Variants in EEF2K observed in about 807,000 individuals in gnomAD.
EEF2K encodes eukaryotic elongation factor 2 kinase.
A neutral mutation model predicts 93.8 loss-of-function variants in EEF2K; 70 were observed. That is an observed-to-expected ratio of 0.75 (90% CI 0.62 to 0.91). EEF2K has a LOEUF of 0.91. Ranked by LOEUF, EEF2K falls within the 40% of genes least tolerant of loss-of-function variation. EEF2K has a pLI of 0.00. For synonymous variants in EEF2K, 376 were observed against 380.8 expected, an observed-to-expected ratio of 0.99 and a Z score of 0.15; for missense variants, 935 against 972.9, an observed-to-expected ratio of 0.96 and a Z score of 0.52.
chr16:22,272,595 G>T (rs1366626136), intron 15 of EEF2K, among the ~76,000 whole-genome samples: 1 of 152,094 alleles, frequency 6.6e-6, no homozygotes, highest in Non-Finnish European at 1.5e-5. Flanking sequence ...TTTCTGGATT[G>T]GTGAAAGTAT....
chr16:22,259,308 G>A (rs1369703646), intron 10 of EEF2K, among the ~76,000 whole-genome samples: 1 of 152,216 alleles, frequency 6.6e-6, no homozygotes, highest in Non-Finnish European at 1.5e-5. Context: ...CAGGGAAAGT[G>A]TGAGCGGGAG....
intron 2 of EEF2K, among the ~76,000 whole-genome samples, chr16:22,228,475 G>A (rs2047085258): frequency 6.6e-6 from 1 of 152,116 alleles, no homozygotes; most frequent in Non-Finnish European, 1.5e-5. Flanking sequence ...ACAAAAATTA[G>A]CCGGGCATGG....
chr16:22,238,285 C>T (rs1054833934), intron 2 of EEF2K, among the ~76,000 whole-genome samples: 5 of 152,020 alleles, frequency 3.3e-5, no homozygotes, highest in Admixed American at 2.6e-4. Flanking sequence ...AGACCACGTC[C>T]CCCACTCCCT....
chr16:22,249,107 C>T (rs150798081), intron 4 of EEF2K, among the ~76,000 whole-genome samples: 1 of 151,450 alleles, frequency 6.6e-6, no homozygotes, highest in East Asian at 1.9e-4. Flanking sequence ...GTAGCCAGGA[C>T]CACAAGTACA....
At chr16:22,251,346 C>G in intron 6 of EEF2K, 24 bp downstream of exon 6, 7 of 1,612,146 alleles carry the variant, frequency 4.3e-6, no homozygotes, top group Non-Finnish European at 5.1e-6. Flanking sequence ...CTACCTGCCC[C>G]CTTTCCATGC....
Position 22,206,402 on chromosome 16 carries a change from G to T in EEF2K, c.-354G>T. ...GTCGCCTGCACGCGAGTCCCCCCTG[G>T]CACGCGCTCCCACATCCCGGGATCG... On this transcript the variant is annotated 5_prime_UTR_variant, in exon 1 of 18. Coordinates refer to ENST00000263026, the MANE Select transcript of EEF2K (RefSeq NM_013302.5). 1 of 152,908 alleles carries T rather than the reference G, an allele frequency of 6.5e-6. No homozygotes were observed. Among genetic ancestry groups the T allele is most frequent in the Non-Finnish European group, 1.5e-5 (1 of 68,550 alleles). The allele number at this position is 152,908 out of a possible 1,614,324, so 9.5% of individuals were successfully genotyped here. A position where few individuals can be genotyped will look rare whatever the true frequency, so the allele number is the denominator to read the frequency against.
At chr16:22,273,864 C>A in intron 16 of EEF2K, 114 bp downstream of exon 16, 1 of 1,469,066 alleles carries the variant, frequency 6.8e-7, no homozygotes, top group East Asian at 2.4e-5. Context: ...ATGACCAGTC[C>A]AGCAACCATG....
intron 1 of EEF2K, among the ~76,000 whole-genome samples, chr16:22,222,264 G>T (rs1325865735): frequency 6.6e-6 from 1 of 151,678 alleles, no homozygotes; most frequent in Non-Finnish European, 1.5e-5. Context: ...TGCAATTTCA[G>T]CTCACTGCAG....
In EEF2K at chr16:22,288,418, A is replaced by AG; in HGVS notation, c.*4424dup. 1 of 152,550 alleles carries AG rather than the reference A, an allele frequency of 6.6e-6. No individual in the cohort carries two copies. 9.4% of individuals were successfully genotyped at this position (152,550 alleles called of 1,614,324 possible). On this transcript the variant is annotated 3_prime_UTR_variant, in exon 18 of 18. Transcript: ENST00000263026. ...CAGCCTCCCAAAGCATTGGGGTTAC[A>AG]GGCGTGAGCCACTGCACCTGGCCCT...
intron 17 of EEF2K, among the ~76,000 whole-genome samples, chr16:22,281,223 G>A (rs1238416578): frequency 6.6e-6 from 1 of 152,238 alleles, no homozygotes; most frequent in Non-Finnish European, 1.5e-5. Context: ...CACCATGCCT[G>A]GCCTCCTTTC....
intron 5 of EEF2K, among the ~76,000 whole-genome samples, 179 bp downstream of exon 5, chr16:22,250,870 G>C (rs1285894749): frequency 1.3e-5 from 2 of 152,174 alleles, no homozygotes; most frequent in Non-Finnish European, 2.9e-5. Flanking sequence ...CTGTGACGAT[G>C]GGCTCAGGAA....
chr16:22,257,619 C>T (rs1426379808), intron 8 of EEF2K, 24 bp from the exon 9 acceptor site: 2 of 1,609,786 alleles, frequency 1.2e-6, no homozygotes, highest in Non-Finnish European at 1.7e-6. Flanking sequence ...AGCAACACTC[C>T]AGACACCCCC....
intron 1 of EEF2K, among the ~76,000 whole-genome samples, chr16:22,224,375 A>G (rs771836048): frequency 2.0e-5 from 3 of 152,168 alleles, no homozygotes; most frequent in Non-Finnish European, 4.4e-5. Flanking sequence ...GCATGCCTGT[A>G]ATCCCAGCAT....
In EEF2K at chr16:22,260,396, G is replaced by A. The variant is rs374666820; in HGVS notation, c.1232-66G>A. 7.1e-5 allele frequency: 112 copies of A among 1,583,958 alleles called. 1 individual carries two copies. The highest frequency in any genetic ancestry group is 4.9e-4 in the East Asian group (22 of 44,672). On this transcript the variant is annotated intron_variant, in intron 10 of 17. Transcript: ENST00000263026. ...TGGCAGGTATGGACCGCCCTAGGCC[G>A]TGGGTTGGTCTTATGCATGTTCCAG...
chr16:22,237,197 G>A (rs1038238840), intron 2 of EEF2K, among the ~76,000 whole-genome samples: 2 of 151,106 alleles, frequency 1.3e-5, no homozygotes, highest in African/African-American at 2.4e-5. Context: ...CACCTATGTC[G>A]GCCTCCCAAA....
chr16:22,220,866 G>C (rs780251087), intron 1 of EEF2K, among the ~76,000 whole-genome samples: 2 of 152,330 alleles, frequency 1.3e-5, no homozygotes, highest in East Asian at 3.9e-4. Context: ...GGCTGGGCCT[G>C]CTGGCAGCTC....
intron 11 of EEF2K, among the ~76,000 whole-genome samples, chr16:22,261,185 C>T (rs2047458596): frequency 6.6e-6 from 1 of 151,886 alleles, no homozygotes; most frequent in Non-Finnish European, 1.5e-5. Context: ...CTAGCCTGGG[C>T]AATATGACAA....
At chr16:22,217,628 T>C (rs907421123) in intron 1 of EEF2K, among the ~76,000 whole-genome samples, 1 of 152,182 alleles carries the variant, frequency 6.6e-6, no homozygotes, top group South Asian at 2.1e-4. Context: ...AATTTTTGTA[T>C]TTTTAGTAGA....
chr16:22,272,844 T>G (rs2047596931), intron 15 of EEF2K, among the ~76,000 whole-genome samples: 1 of 152,110 alleles, frequency 6.6e-6, no homozygotes. Context: ...GTATTTTTAG[T>G]AGAGACGGGG....
Sources: allele counts gnomAD v4.1 joint callset (sites outside exome capture counted in the v4.1 genomes callset), GRCh38; gene constraint gnomAD v4.1.1; transcripts MANE v1.5; gene names NCBI Gene and HGNC (gene_info 2026-07-23, HGNC 2026-07-21).